DTNA: variants seen among roughly 807,000 people sequenced by gnomAD.
The protein encoded by DTNA is dystrobrevin alpha.
Under a neutral mutation model 100.7 loss-of-function variants are expected in DTNA, and 43 were observed. The ratio of observed to expected loss-of-function variants is 0.43; its 90% CI spans 0.33 to 0.55. DTNA has a LOEUF of 0.55. Among genes scored for constraint, DTNA ranks in the 20% least tolerant of loss-of-function variants. The probability of loss-of-function intolerance (pLI) is 0.04; values close to 1 mark genes in which losing one functional copy is unlikely to be tolerated. For missense variants in DTNA, 798 were observed against 953.9 expected (o/e 0.84, Z 2.15); for synonymous variants, 349 against 347.9 (o/e 1.00, Z -0.04).
intron 1 of DTNA, among the ~76,000 whole-genome samples, chr18:34,645,190 A>T (rs912160556): frequency 9.9e-5 from 15 of 152,220 alleles, no homozygotes; most frequent in South Asian, 2.1e-4. Context: ...GTCTATTCTG[A>T]TTCTGGAAAA....
rs1474223663 is a variant in DTNA at position 34,848,163 on chromosome 18, C to T, written c.1347-133C>T. Reference sequence around the variant, plus strand: ...CAAATTCAAGTCTGAGATTGTTATTCTAACAGGGTTTTGTGTAGTTTGCAA... The same window carrying T: ...CAAATTCAAGTCTGAGATTGTTATTTTAACAGGGTTTTGTGTAGTTTGCAA... On this transcript the variant is annotated intron_variant, in intron 13 of 22. Coordinates refer to ENST00000444659, the MANE Select transcript of DTNA (RefSeq NM_001386795.1). 4 of 791,500 alleles carry T rather than the reference C, an allele frequency of 5.1e-6. No individual in the cohort carries two copies. The African/African-American group carries it at 6.8e-5, about 14-fold the overall frequency. 49.0% of individuals were successfully genotyped at this position (791,500 alleles called of 1,614,324 possible).
In DTNA at chr18:34,603,610, GT is replaced by G. The variant is rs1243031938; in HGVS notation, c.-2+110099del. 2.0e-5 allele frequency among the ~76,000 whole-genome samples: 3 copies of G among 151,884 alleles called. No homozygotes were observed. The East Asian group carries it at 5.8e-4, about 29-fold the overall frequency. On this transcript the variant is annotated intron_variant, in intron 1 of 19. Transcript: ENST00000283365. ...ATTGACAGAGCTTGCAATAATATTTGTTTAATACTGTTGAGGAATATTATCT... is the reference window on the plus strand; with the variant it reads ...ATTGACAGAGCTTGCAATAATATTTGTTAATACTGTTGAGGAATATTATCT...
chr18:34,515,325 C>T (rs1378333460), intron 1 of DTNA, among the ~76,000 whole-genome samples: 1 of 152,048 alleles, frequency 6.6e-6, no homozygotes, highest in Non-Finnish European at 1.5e-5. Context: ...AATTGTTGCT[C>T]AGGAAATCTG....
At chr18:34,667,363 C>T (rs1245864908) in intron 1 of DTNA, among the ~76,000 whole-genome samples, 2 of 152,182 alleles carry the variant, frequency 1.3e-5, no homozygotes, top group Non-Finnish European at 2.9e-5. Flanking sequence ...ATCATGTCAT[C>T]CGCAAACAGC....
intron 1 of DTNA, among the ~76,000 whole-genome samples, chr18:34,623,737 C>T (rs1005429471): frequency 6.6e-6 from 1 of 152,134 alleles, no homozygotes; most frequent in Non-Finnish European, 1.5e-5. Flanking sequence ...TAAGAGTAGG[C>T]TAATGGTTCA....
intron 1 of DTNA, among the ~76,000 whole-genome samples, chr18:34,626,207 T>C (rs1420002499): frequency 6.6e-6 from 1 of 152,196 alleles, no homozygotes; most frequent in Non-Finnish European, 1.5e-5. Context: ...CTAATGAGTG[T>C]GTATACAACC....
At chr18:34,815,863 T>G in intron 6 of DTNA, 46 bp from the exon 7 acceptor site, 1 of 1,500,350 alleles carries the variant, frequency 6.7e-7, no homozygotes, top group African/African-American at 1.4e-5. Context: ...GCAGGTAAAT[T>G]GAGATGATTC....
chr18:34,583,307 G>A (rs998929026), intron 1 of DTNA, among the ~76,000 whole-genome samples: 6 of 152,106 alleles, frequency 3.9e-5, no homozygotes, highest in Non-Finnish European at 8.8e-5. Flanking sequence ...GGAGAAAAAT[G>A]AAATATCATG....
At chr18:34,745,711 G>A (rs1005022544) in intron 1 of DTNA, among the ~76,000 whole-genome samples, 1 of 152,180 alleles carries the variant, frequency 6.6e-6, no homozygotes, top group African/African-American at 2.4e-5. Flanking sequence ...TGTGTCCACT[G>A]TAATTGGCTG....
intron 1 of DTNA, among the ~76,000 whole-genome samples, chr18:34,537,136 A>G (rs899705283): frequency 6.6e-6 from 1 of 152,012 alleles, no homozygotes; most frequent in Non-Finnish European, 1.5e-5. Context: ...TATTAGGGCA[A>G]AACTGTGTCC....
At chr18:34,764,033 G>T (rs1467262202) in intron 2 of DTNA, among the ~76,000 whole-genome samples, 1 of 152,170 alleles carries the variant, frequency 6.6e-6, no homozygotes, top group African/African-American at 2.4e-5. Context: ...TTCTCAAATG[G>T]CAGGGGGAAA....
intron 1 of DTNA, among the ~76,000 whole-genome samples, chr18:34,684,611 T>C (rs1398638599): frequency 5.9e-5 from 9 of 152,192 alleles, no homozygotes; most frequent in African/African-American, 9.6e-5. Context: ...TAAACATACA[T>C]GTGCATGTGT....
In DTNA at chr18:34,838,758, C is replaced by T; in HGVS notation, c.1267C>T (p.Leu423=). ...FLKGKGIQYS[L]NVADRLADEH... ...GCCCTGTTTCAGGATACAGTACAGC[C>T]TGAATGTGGCAGACAGGCTAGCTGA... Residue 423 remains leucine, a synonymous_variant, in exon 13 of 23, where the codon CTG becomes TTG. Transcript: ENST00000444659. 2 of 1,613,732 alleles carry T rather than the reference C, an allele frequency of 1.2e-6. No individual in the cohort carries two copies. The highest frequency in any genetic ancestry group is 1.7e-6 in the Non-Finnish European group (2 of 1,179,754).
rs552676842 is a variant in DTNA at position 34,584,748 on chromosome 18, G to A, written c.-2+91234G>A. Among the ~76,000 whole-genome samples, 6 of 152,194 alleles carry A rather than the reference G, an allele frequency of 3.9e-5. No homozygotes were observed. In the South Asian group the frequency reaches 1.2e-3, roughly 32 times the overall value. On this transcript the variant is annotated intron_variant, in intron 1 of 19. Coordinates refer to the DTNA transcript ENST00000283365. ...GGAACTCATGCATATCGCACCAAAT[G>A]TGCTGTTATGAGACAATAGAACACC...
At chr18:34,716,223 A>G (rs1436712069) in intron 1 of DTNA, among the ~76,000 whole-genome samples, 1 of 152,204 alleles carries the variant, frequency 6.6e-6, no homozygotes, top group African/African-American at 2.4e-5. Flanking sequence ...TCCAAGAAAT[A>G]TAGAAAACAC....
chr18:34,608,057 C>G (rs2053496426), intron 1 of DTNA, among the ~76,000 whole-genome samples: 1 of 152,062 alleles, frequency 6.6e-6, no homozygotes, highest in Non-Finnish European at 1.5e-5. Context: ...TAAGGGAAGC[C>G]CAGAAGGTCT....
At position 34,727,959 on chromosome 18, in the gene DTNA, G is replaced by A. The variant is rs570727011; in HGVS notation, c.-2+17514G>A. ...ATCCTAATATTAAGAGGGAGGGGGG[G>A]AAAAGGCAAAAAATGATAGAAATAA... On this transcript the variant is annotated intron_variant, in intron 1 of 22. Coordinates refer to ENST00000444659, the MANE Select transcript of DTNA (RefSeq NM_001386795.1). 9.9e-5 allele frequency among the ~76,000 whole-genome samples: 15 copies of A among 152,098 alleles called. No individual in the cohort carries two copies. The South Asian group carries it at 2.9e-3, about 30-fold the overall frequency.
intron 1 of DTNA, among the ~76,000 whole-genome samples, chr18:34,731,816 TG>T (rs2088311294): frequency 6.6e-6 from 1 of 152,244 alleles, no homozygotes; most frequent in Admixed American, 6.5e-5. Flanking sequence ...AATAGATAAA[TG>T]GTCAAATGGA....
intron 1 of DTNA, among the ~76,000 whole-genome samples, chr18:34,540,823 G>A (rs1432125831): frequency 1.3e-5 from 2 of 152,074 alleles, no homozygotes. Context: ...CAGACATGAT[G>A]TGCTGGACAA....
Sources: gnomAD v4.1 joint callset for allele counts (sites outside exome capture counted in the v4.1 genomes callset) on GRCh38, gnomAD v4.1.1 for gene constraint, MANE v1.5 for transcripts, NCBI Gene and HGNC (gene_info 2026-07-23, HGNC 2026-07-21) for gene names.